The following SRGAP2B variants were observed in gnomAD, a reference collection of about 807,000 sequenced individuals.
SRGAP2B encodes the protein SLIT-ROBO Rho GTPase activating protein 2B.
Under a neutral mutation model 22.2 loss-of-function variants are expected in SRGAP2B, and 9 were observed. The observed-to-expected ratio is 0.41, with a 90% CI of 0.24 to 0.71. SRGAP2B has a LOEUF of 0.71. SRGAP2B is among the 30% of genes least tolerant of loss of function. SRGAP2B has a pLI of 0.35. For missense variants in SRGAP2B, 114 were observed against 235.8 expected (o/e 0.48, Z 3.38); for synonymous variants, 36 against 87.4 (o/e 0.41, Z 3.28).
intron 2 of SRGAP2B, among the ~76,000 whole-genome samples, chr1:145,044,650 TAAAAAAAAAAAAAAAAA>T (rs1184404731): frequency 2.3e-4 from 7 of 30,670 alleles, no homozygotes; most frequent in African/African-American, 5.3e-4. Context: ...AACCCCCTCC[TAAAAAAAAAAAAAAAAA>T]AAAAAAAAAA....
intron 2 of SRGAP2B, among the ~76,000 whole-genome samples, chr1:145,088,410 G>T (rs1315550071): frequency 4.6e-5 from 6 of 131,670 alleles, no homozygotes; most frequent in Non-Finnish European, 9.7e-5. Flanking sequence ...ACAAAATTTC[G>T]CTTCCAGCTC....
Position 144,985,643 on chromosome 1 carries a change from A to G in SRGAP2B, c.260+9365T>C, listed in dbSNP as rs587770046. 4.0e-4 allele frequency among the ~76,000 whole-genome samples: 60 copies of G among 150,730 alleles called. 1 individual carries two copies. The highest frequency in any genetic ancestry group is 2.8e-3 in the Admixed American group (43 of 15,164). On this transcript the variant is annotated intron_variant, in intron 3 of 9. Transcript: ENST00000612199. The stretch of plus-strand genomic sequence containing the variant: ...ATTTATGCTCTTCAAGGAGCCAAAG[A>G]AAATGCAAGAACATCTTCCCTAGAA...
At chr1:145,017,494 C>T (rs1236836100) in intron 2 of SRGAP2B, among the ~76,000 whole-genome samples, 3 of 150,020 alleles carry the variant, frequency 2.0e-5, no homozygotes, top group South Asian at 2.1e-4. Context: ...AAAAAAAACC[C>T]GTATCCCAGT....
intron 2 of SRGAP2B, among the ~76,000 whole-genome samples, chr1:145,067,073 G>A (rs1449728473): frequency 2.7e-5 from 4 of 149,054 alleles, no homozygotes; most frequent in Non-Finnish European, 5.9e-5. Flanking sequence ...TGGATTGCTC[G>A]AGGCCGGGAG....
intron 7 of SRGAP2B, among the ~76,000 whole-genome samples, chr1:144,902,754 T>C: frequency 2.3e-5 from 3 of 131,990 alleles, no homozygotes; most frequent in Middle Eastern, 3.7e-3. Flanking sequence ...AGAGAGAGAC[T>C]CCTTCTCAAA....
At position 144,994,974 on chromosome 1, in the gene SRGAP2B, A is replaced by G. The variant is rs1457845538; in HGVS notation, c.260+34T>C. The G allele has an allele frequency of 5.7e-5, 77 of 1,360,374 alleles. 2 individuals carry two copies. The highest frequency in any genetic ancestry group is 7.1e-5 in the Non-Finnish European group (73 of 1,033,274). 84.3% of individuals were successfully genotyped at this position (1,360,374 alleles called of 1,614,324 possible). ...CCTCCACCCTGGACCCCATATTCCA[A>G]GGTCTCAGAGAGTAATAGCCACAGA... On this transcript the variant is annotated intron_variant, in intron 3 of 9. Coordinates refer to ENST00000612199, the Ensembl canonical transcript of SRGAP2B.
At chr1:144,993,382 A>G (rs1670414140) in intron 3 of SRGAP2B, among the ~76,000 whole-genome samples, 1 of 150,726 alleles carries the variant, frequency 6.6e-6, no homozygotes, top group Non-Finnish European at 1.5e-5. Context: ...TGAAGCTGAC[A>G]CTGAGAAACT....
chr1:145,023,277 AG>A (rs1647363223), intron 2 of SRGAP2B, among the ~76,000 whole-genome samples: 1 of 138,606 alleles, frequency 7.2e-6, no homozygotes, highest in Admixed American at 7.2e-5. Context: ...ATTGCTCTCT[AG>A]GGGGTTAAAC....
At chr1:144,975,984 C>T in intron 3 of SRGAP2B, among the ~76,000 whole-genome samples, 1 of 147,982 alleles carries the variant, frequency 6.8e-6, no homozygotes, top group African/African-American at 2.6e-5. Context: ...CCCCATTCTC[C>T]TGCCTCAGCC....
intron 3 of SRGAP2B, among the ~76,000 whole-genome samples, chr1:144,988,622 CT>C (rs1458197464): frequency 7.0e-6 from 1 of 143,046 alleles, no homozygotes; most frequent in African/African-American, 2.7e-5. Context: ...GGATTTAGCT[CT>C]TTGTTCTCCT....
At chr1:144,930,473 A>C (rs1665081644) in intron 4 of SRGAP2B, among the ~76,000 whole-genome samples, 1 of 135,340 alleles carries the variant, frequency 7.4e-6, no homozygotes, top group South Asian at 2.5e-4. Context: ...TTAAGAATCC[A>C]GATACTAATC....
intron 2 of SRGAP2B, among the ~76,000 whole-genome samples, chr1:144,999,218 C>G (rs1321700719): frequency 6.6e-6 from 1 of 150,458 alleles, no homozygotes; most frequent in Non-Finnish European, 1.5e-5. Context: ...ATGGTGGGGT[C>G]CTTGCCAGTT....
intron 3 of SRGAP2B, among the ~76,000 whole-genome samples, chr1:144,966,330 C>T (rs369202593): frequency 6.7e-6 from 1 of 149,460 alleles, no homozygotes; most frequent in Admixed American, 6.6e-5. Context: ...GAGTGGGGGC[C>T]AATATTCAAC....
intron 4 of SRGAP2B, chr1:144,917,900 C>A (rs1307130445): frequency 1.5e-5 from 1 of 67,210 alleles, no homozygotes; most frequent in Non-Finnish European, 2.7e-5. Context: ...GAAAGCGTGG[C>A]CCCAGGAAGG....
intron 3 of SRGAP2B, among the ~76,000 whole-genome samples, chr1:144,971,483 ACACGGG>A (rs1668518468): frequency 6.7e-6 from 1 of 150,216 alleles, no homozygotes; most frequent in Non-Finnish European, 1.5e-5. Context: ...AGGTTGGAGT[ACACGGG>A]CATGACCATG....
intron 2 of SRGAP2B, among the ~76,000 whole-genome samples, chr1:145,018,259 G>GCA (rs1672577352): frequency 1.2e-5 from 1 of 83,622 alleles, no homozygotes; most frequent in South Asian, 4.9e-4. Flanking sequence ...GTGAACACAT[G>GCA]CACACTCACC....
chr1:144,954,760 T>C lies in SRGAP2B; in HGVS notation c.423+679A>G, dbSNP rs587735184. 9.3e-4 allele frequency among the ~76,000 whole-genome samples: 140 copies of C among 150,608 alleles called. 8 individuals are homozygous for C. The highest frequency in any genetic ancestry group is 3.4e-3 in the African/African-American group (136 of 40,200). ...ATCATGATTATTTTGAGTTTTCCTT[T>C]GTCAAATTGTTCAACCTATACCCAA... On this transcript the variant is annotated intron_variant, in intron 4 of 9. Transcript: ENST00000612199.
At chr1:144,973,990 C>T (rs1347411234) in intron 3 of SRGAP2B, among the ~76,000 whole-genome samples, 1 of 150,324 alleles carries the variant, frequency 6.7e-6, no homozygotes, top group African/African-American at 2.5e-5. Flanking sequence ...CACAGAGGCC[C>T]CAGCCTTACC....
At chr1:145,002,582 TA>T (rs1671271540) in intron 2 of SRGAP2B, among the ~76,000 whole-genome samples, 1 of 147,230 alleles carries the variant, frequency 6.8e-6, no homozygotes, top group African/African-American at 2.6e-5. Flanking sequence ...AAAAGATATA[TA>T]AAAAAGAAAC....
Sources: allele counts gnomAD v4.1 joint callset (sites outside exome capture counted in the v4.1 genomes callset), GRCh38; gene constraint gnomAD v4.1.1; transcripts MANE v1.5; gene names NCBI Gene and HGNC (gene_info 2026-07-23, HGNC 2026-07-21).